The following PCDHB6 variants were observed in gnomAD, a reference collection of about 807,000 sequenced individuals.
PCDHB6 encodes the protein protocadherin beta-6.
For missense variants in PCDHB6, 1,137 were observed against 1,010.1 expected (o/e 1.13, Z -1.70); for synonymous variants, 506 against 459.0 (o/e 1.10, Z -1.31).
rs781898001 is a variant in PCDHB6, at chr5:141,152,472, G to A, written c.2215G>A (p.Gly739Ser). 2.5e-6 allele frequency: 4 copies of A among 1,614,062 alleles called. No individual in the cohort carries two copies. The highest frequency in any genetic ancestry group is 3.4e-6 in the Non-Finnish European group (4 of 1,180,032). ...TCCAGGGCATCTGGTGGATGTGAGC[G>A]GCACCGGGACCCTATCCCAGAGCTA... is the stretch of plus-strand genomic sequence containing the variant. ...PFPGHLVDVS[G>S]TGTLSQSYQY... Residue 739 changes from glycine (G) to serine (S), a missense_variant, in exon 1 of 1, where the codon GGC (glycine) becomes AGC (serine). Transcript: ENST00000231136.
In PCDHB6 at chr5:141,150,637, A is replaced by G; in HGVS notation, c.380A>G (p.Asp127Gly). 1.2e-6 allele frequency: 2 copies of G among 1,614,100 alleles called. No homozygotes were observed. Among genetic ancestry groups the G allele is most frequent in the East Asian group, 4.5e-5 (2 of 44,882 alleles). The change falls in exon 1 of 1, where the codon GAC (aspartate) becomes GGC (glycine). Residue 127 changes from aspartate (D) to glycine (G), a missense_variant. Transcript: ENST00000231136. ...QASLRVRDIN[D>G]HAPEFPAREM... is the part of the protein sequence containing the mutation. ...TCCTTGCGAGTCAGAGATATAAATG[A>G]CCACGCCCCGGAATTCCCTGCCAGA... is the stretch of plus-strand genomic sequence containing the variant.
Position 141,152,736 on chromosome 5 carries a change from CT to C in PCDHB6, c.*97del. On this transcript the variant is annotated 3_prime_UTR_variant, in exon 1 of 1. Transcript: ENST00000231136. ...GTTTCTTGTTTATTTTACCTCTATT[CT>C]TTAGGTTGAAATTTTATATAAAGTA... The C allele has an allele frequency of 2.6e-6, 3 of 1,153,092 alleles. No homozygotes were observed. Among genetic ancestry groups the C allele is most frequent in the Non-Finnish European group, 3.6e-6 (3 of 832,498 alleles). The allele number at this position is 1,153,092 out of a possible 1,614,324, so 71.4% of individuals were successfully genotyped here.
rs1554277840 is a variant in PCDHB6, at chr5:141,151,860, G to C, written c.1603G>C (p.Gly535Arg). 6.2e-7 allele frequency: 1 copy of C among 1,612,278 alleles called. No homozygotes were observed. The highest frequency in any genetic ancestry group is 2.2e-5 in the East Asian group (1 of 44,872). Reference sequence around the variant, plus strand: ...GTTCCGCGTGGGCGCCACAGACCGCGGCTCCCCGGCGTTGAGCAGCGAGGC... The same window carrying C: ...GTTCCGCGTGGGCGCCACAGACCGCCGCTCCCCGGCGTTGAGCAGCGAGGC... ...FEFRVGATDR[G>R]SPALSSEALV... is the part of the protein sequence containing the mutation. Residue 535 changes from glycine (G) to arginine (R), a missense_variant, in exon 1 of 1, where the codon GGC (glycine) becomes CGC (arginine). Transcript: ENST00000231136.
At position 141,151,214 on chromosome 5, in the gene PCDHB6, T is replaced by A; in HGVS notation, c.957T>A (p.Ala319=). The A allele has an allele frequency of 1.2e-6, 2 of 1,614,186 alleles. No individual in the cohort carries two copies. Among genetic ancestry groups the A allele is most frequent in the Non-Finnish European group, 1.7e-6 (2 of 1,180,038 alleles). Residue 319 remains alanine, a synonymous_variant, in exon 1 of 1, where the codon GCT becomes GCA. Coordinates refer to ENST00000231136, the MANE Select transcript of PCDHB6 (RefSeq NM_018939.4). ...EIQSYDVDVE[A]TDGGGLSGKC... ...AGTCTTATGACGTGGATGTTGAGGC[T>A]ACAGATGGTGGAGGCCTATCAGGAA... is the stretch of plus-strand genomic sequence containing the variant.
chr5:141,152,032 G>C lies in PCDHB6; in HGVS notation c.1775G>C (p.Gly592Ala). 6.2e-7 allele frequency: 1 copy of C among 1,607,696 alleles called. No individual in the cohort carries two copies. The highest frequency in any genetic ancestry group is 1.7e-5 in the Admixed American group (1 of 59,922). Residue 592 changes from glycine to alanine, a missense_variant, in exon 1 of 1, where the codon GGC becomes GCC. Transcript: ENST00000231136. Reference protein sequence around the residue: ...YLVTKVVAVDGDSGQNAWLSY... With the variant: ...YLVTKVVAVDADSGQNAWLSY... ...GTGACCAAGGTGGTGGCGGTGGACG[G>C]CGACTCGGGCCAGAACGCCTGGCTG...
rs782192325 is a variant in PCDHB6 at position 141,152,414 on chromosome 5, G to T, written c.2157G>T (p.Ser719=). The change falls in exon 1 of 1, where the codon TCG becomes TCT. Residue 719 remains serine, a synonymous_variant. Transcript: ENST00000231136. The stretch of plus-strand genomic sequence containing the variant: ...TGTGCAGGAGGAGCAGGGCGGCCTC[G>T]GTGGGTCGCTACTCGGTGCCCGAGG... ...VRLCRRSRAA[S]VGRYSVPEGP... is the part of the protein sequence containing the mutation. 4 of 1,613,526 alleles carry T rather than the reference G, an allele frequency of 2.5e-6. No individual in the cohort carries two copies. Among genetic ancestry groups the T allele is most frequent in the South Asian group, 1.1e-5 (1 of 91,072 alleles).
In PCDHB6 at chr5:141,150,458, C is replaced by T. The variant is rs782065715; in HGVS notation, c.201C>T (p.Phe67=). The T allele has an allele frequency of 6.2e-7, 1 of 1,614,054 alleles. No homozygotes were observed. The highest frequency in any genetic ancestry group is 1.1e-5 in the South Asian group (1 of 91,070). The change falls in exon 1 of 1, where the codon TTC becomes TTT. Residue 67 remains phenylalanine, a synonymous_variant. Coordinates refer to ENST00000231136, the MANE Select transcript of PCDHB6 (RefSeq NM_018939.4). ...ELASRGARVV[F]KGNRQHLQFD... ...CTTCGCGGGGCGCTCGGGTTGTTTT[C>T]AAAGGGAACAGACAACATTTGCAGT...
At position 141,151,671 on chromosome 5, in the gene PCDHB6, A is replaced by G. The variant is rs782013587; in HGVS notation, c.1414A>G (p.Ser472Gly). The change falls in exon 1 of 1, where the codon AGC becomes GGC. Residue 472 changes from serine to glycine, a missense_variant. Ser to Gly is a moderately conservative substitution (Grantham distance 56). Coordinates refer to ENST00000231136, the MANE Select transcript of PCDHB6 (RefSeq NM_018939.4). Reference protein sequence around the residue: ...NSPALHIGSVSATDRDSGINA... With the variant: ...NSPALHIGSVGATDRDSGINA... ...CCCCGCCCTGCACATCGGCAGCGTC[A>G]GCGCCACAGACAGAGACTCAGGCAT... is the stretch of plus-strand genomic sequence containing the variant. 1 of 1,613,310 alleles carries G rather than the reference A, an allele frequency of 6.2e-7. No homozygotes were observed. The highest frequency in any genetic ancestry group is 1.1e-5 in the South Asian group (1 of 91,040).
chr5:141,152,204 G>T lies in PCDHB6; in HGVS notation c.1947G>T (p.Pro649=), dbSNP rs782246884. ...VVLVKDNGEP[P]RSATATLHVL... is the part of the protein sequence containing the mutation. ...TTGTCAAGGACAATGGCGAGCCTCC[G>T]CGCTCGGCCACCGCCACGCTGCACG... The change falls in exon 1 of 1, where the codon CCG becomes CCT. Residue 649 remains proline, a synonymous_variant. Coordinates refer to ENST00000231136, the MANE Select transcript of PCDHB6 (RefSeq NM_018939.4). 3.5e-5 allele frequency: 57 copies of T among 1,606,862 alleles called. 1 individual carries two copies. Among genetic ancestry groups the T allele is most frequent in the Admixed American group, 1.3e-4 (8 of 59,984 alleles).
At position 141,152,363 on chromosome 5, in the gene PCDHB6, G is replaced by C. The variant is rs142488962; in HGVS notation, c.2106G>C (p.Ser702=). The change falls in exon 1 of 1, where the codon TCG becomes TCC. Residue 702 remains serine, a synonymous_variant. Transcript: ENST00000231136. ...CGGTGTCGTCGCTCTTCCTCTTTTC[G>C]GTGCTCCTGTTCGTGGCGGTGCGGC... The part of the protein sequence containing the change: ...LASVSSLFLF[S]VLLFVAVRLC... 0.036 allele frequency: 58,132 copies of C among 1,611,130 alleles called. 1,292 individuals are homozygous for C. The highest frequency in any genetic ancestry group is 0.043 in the Non-Finnish European group (50,263 of 1,179,906).
chr5:141,150,075 G>T lies in PCDHB6; in HGVS notation c.-183G>T. ...GGACTCCGTTTCATCCAGAAGCCAAGTAAAAATACAGACCACGTTTACAGC... is the reference window on the plus strand; with the variant it reads ...GGACTCCGTTTCATCCAGAAGCCAATTAAAAATACAGACCACGTTTACAGC... On this transcript the variant is annotated 5_prime_UTR_variant, in exon 1 of 1. Coordinates refer to ENST00000231136, the MANE Select transcript of PCDHB6 (RefSeq NM_018939.4). The T allele has an allele frequency of 1.7e-6, 1 of 575,780 alleles. No individual in the cohort carries two copies. Among genetic ancestry groups the T allele is most frequent in the South Asian group, 2.4e-5 (1 of 41,196 alleles). 35.7% of individuals were successfully genotyped at this position (575,780 alleles called of 1,614,324 possible).
chr5:141,150,772 G>T lies in PCDHB6; in HGVS notation c.515G>T (p.Ser172Ile), dbSNP rs1554277507. The change falls in exon 1 of 1, where the codon AGC (serine) becomes ATC (isoleucine). Residue 172 changes from serine (S) to isoleucine (I), a missense_variant. Coordinates refer to ENST00000231136, the MANE Select transcript of PCDHB6 (RefSeq NM_018939.4). ...GSNGLQRYTI[S>I]SNPHFHVLTR... The stretch of plus-strand genomic sequence containing the variant: ...AACGGCCTTCAGAGGTACACAATCA[G>T]CTCCAACCCTCACTTCCACGTTCTC... 6.2e-7 allele frequency: 1 copy of T among 1,614,158 alleles called. No homozygotes were observed. The highest frequency in any genetic ancestry group is 1.1e-5 in the South Asian group (1 of 91,084).
In PCDHB6 at chr5:141,150,370, CAG is replaced by C; in HGVS notation, c.115_116del (p.Glu39LysfsTer38). The C allele has an allele frequency of 6.2e-7, 1 of 1,614,104 alleles. No homozygotes were observed. ...ATTCAGTATTCCGTATTGGAGGAGA[CAG>C]AAAGTGGCACGTTTGTGGCCAACTT... On this transcript the variant is annotated frameshift_variant, in exon 1 of 1. Coordinates refer to ENST00000231136, the MANE Select transcript of PCDHB6 (RefSeq NM_018939.4). LOFTEE classifies it low-confidence loss of function (END_TRUNC).
rs782505073 is a variant in PCDHB6 at position 141,152,312 on chromosome 5, C to G, written c.2055C>G (p.Thr685=). The G allele has an allele frequency of 1.1e-5, 18 of 1,608,962 alleles. No homozygotes were observed. The highest frequency in any genetic ancestry group is 4.4e-5 in the South Asian group (4 of 91,010). ...CCCAAGCCCAGGCCGACTCTCTCAC[C>G]GTCTACCTGGTGGTGGCGTTGGCCT... ...APAQAQADSL[T]VYLVVALASV... The change falls in exon 1 of 1, where the codon ACC becomes ACG. Residue 685 remains threonine (T), a synonymous_variant. Transcript: ENST00000231136.
Position 141,152,401 on chromosome 5 carries a change from G to A in PCDHB6, c.2144G>A (p.Ser715Asn), listed in dbSNP as rs1554278029. ...LFVAVRLCRR[S>N]RAASVGRYSV... The stretch of plus-strand genomic sequence containing the variant: ...GTGGCGGTGCGGCTGTGCAGGAGGA[G>A]CAGGGCGGCCTCGGTGGGTCGCTAC... Residue 715 changes from serine (S) to asparagine (N), a missense_variant, in exon 1 of 1, where the codon AGC (serine) becomes AAC (asparagine). Physicochemically the swap from Ser to Asn is conservative, Grantham distance 46 (BLOSUM62 1). Transcript: ENST00000231136. 1.2e-6 allele frequency: 2 copies of A among 1,612,946 alleles called. No homozygotes were observed. Among genetic ancestry groups the A allele is most frequent in the African/African-American group, 2.7e-5 (2 of 74,838 alleles).
At position 141,151,118 on chromosome 5, in the gene PCDHB6, C is replaced by T. The variant is rs1752847943; in HGVS notation, c.861C>T (p.Asn287=). 6.2e-7 allele frequency: 1 copy of T among 1,614,118 alleles called. No individual in the cohort carries two copies. Residue 287 remains asparagine (N), a synonymous_variant, in exon 1 of 1, where the codon AAC becomes AAT. Transcript: ENST00000231136. ...CCCTGTTTCAAGTCGATGACGTCAA[C>T]CAACCCTTCGAAATAAACGCAATCA... The part of the protein sequence containing the change: ...SYALFQVDDV[N]QPFEINAITG...
Position 141,151,761 on chromosome 5 carries a change from G to C in PCDHB6, c.1504G>C (p.Val502Leu), listed in dbSNP as rs1554277803. The change falls in exon 1 of 1, where the codon GTC becomes CTC. Residue 502 changes from valine (V) to leucine (L), a missense_variant. By Grantham distance (32) the Val-to-Leu change is conservative. Transcript: ENST00000231136. ...QDPHLPLSSL[V>L]SINADNGHLF... ...CCCGCACCTGCCCCTCTCTTCCCTGGTCTCCATCAACGCGGACAACGGCCA... is the reference window on the plus strand; with the variant it reads ...CCCGCACCTGCCCCTCTCTTCCCTGCTCTCCATCAACGCGGACAACGGCCA... 2 of 1,613,314 alleles carry C rather than the reference G, an allele frequency of 1.2e-6. No individual in the cohort carries two copies. The highest frequency in any genetic ancestry group is 3.7e-4 in the Middle Eastern group (2 of 5,406).
chr5:141,150,222 A>G lies in PCDHB6; in HGVS notation c.-36A>G. On this transcript the variant is annotated 5_prime_UTR_variant, in exon 1 of 1. Transcript: ENST00000231136. ...CGGTAGATGTGGTGATTGGGAGCTG[A>G]AAAGGATTTTTCTTCCGTATTCAGA... is the stretch of plus-strand genomic sequence containing the variant. 6.6e-7 allele frequency: 1 copy of G among 1,517,176 alleles called. No individual in the cohort carries two copies. Among genetic ancestry groups the G allele is most frequent in the Non-Finnish European group, 9.0e-7 (1 of 1,110,970 alleles). The allele number at this position is 1,517,176 out of a possible 1,614,324, so 94.0% of individuals were successfully genotyped here.
Position 141,150,936 on chromosome 5 carries a change from AT to A in PCDHB6, c.681del (p.Gln228ArgfsTer41), listed in dbSNP as rs1257934456. On this transcript the variant is annotated frameshift_variant, in exon 1 of 1. Coordinates refer to ENST00000231136, the MANE Select transcript of PCDHB6 (RefSeq NM_018939.4). LOFTEE classifies it low-confidence loss of function (END_TRUNC). ...TCCGCCCCGGTCAGGGACCTCCGAGATTCAGATCCAGGTTTTGGACATCAAT... is the reference window on the plus strand; with the variant it reads ...TCCGCCCCGGTCAGGGACCTCCGAGATCAGATCCAGGTTTTGGACATCAAT... ...GSPPRSGTSE[I>X]QIQVLDINDN... 8 of 1,614,064 alleles carry A rather than the reference AT, an allele frequency of 5.0e-6. No individual in the cohort carries two copies.
Sources: gnomAD v4.1 joint callset for allele counts on GRCh38, gnomAD v4.1.1 for gene constraint, MANE v1.5 for transcripts, NCBI Gene and HGNC (gene_info 2026-07-23, HGNC 2026-07-21) for gene names.